Variants in ASIC2 observed in about 807,000 individuals in gnomAD.
The protein encoded by ASIC2 is acid sensing ion channel subunit 2, also known as acid-sensing ion channel 2.
ASIC2 carries 25 observed loss-of-function variants against 57.3 expected under a neutral mutation model. The ratio of observed to expected loss-of-function variants is 0.44; its 90% confidence interval spans 0.32 to 0.61. The LOEUF is 0.61. Among genes scored for constraint, ASIC2 ranks in the 20% least tolerant of loss-of-function variants. The probability of loss-of-function intolerance (pLI) is 0.06; values close to 1 mark genes in which losing one functional copy is unlikely to be tolerated. For missense variants in ASIC2, 641 were observed against 738.1 expected (o/e 0.87, Z 1.52); for synonymous variants, 319 against 307.5 (o/e 1.04, Z -0.39).
intron 1 of ASIC2, among the ~76,000 whole-genome samples, chr17:33,923,817 C>T (rs992014054): frequency 2.0e-5 from 3 of 152,126 alleles, no homozygotes; most frequent in Non-Finnish European, 4.4e-5. Context: ...GGAGGAGGGG[C>T]GTCCTGAGTT....
At chr17:33,510,093 GACTTTGCCTGTA>G (rs1446564047) in intron 1 of ASIC2, among the ~76,000 whole-genome samples, 1 of 152,160 alleles carries the variant, frequency 6.6e-6, no homozygotes, top group East Asian at 1.9e-4. Flanking sequence ...TGTGAGTCTG[GACTTTGCCTGTA>G]ACTCACTGTG....
At chr17:34,085,314 G>C (rs1239932432) in intron 1 of ASIC2, among the ~76,000 whole-genome samples, 1 of 152,118 alleles carries the variant, frequency 6.6e-6, no homozygotes, top group East Asian at 1.9e-4. Context: ...TTTTGTCTTT[G>C]GTTCTGTTTA....
chr17:34,116,014 G>A (rs1329743169), intron 1 of ASIC2, among the ~76,000 whole-genome samples: 1 of 152,192 alleles, frequency 6.6e-6, no homozygotes, highest in Non-Finnish European at 1.5e-5. Context: ...GAAAGCATAT[G>A]ATACCCAACA....
At chr17:33,017,445 A>C (rs1378165995) in intron 8 of ASIC2, among the ~76,000 whole-genome samples, 160 bp downstream of exon 8, 1 of 152,122 alleles carries the variant, frequency 6.6e-6, no homozygotes, top group Non-Finnish European at 1.5e-5. Context: ...CTTGCCCCAC[A>C]GAGCCTGGGC....
chr17:33,940,252 T>TCCATGATTTCTGGAG (rs1372172654), intron 1 of ASIC2, among the ~76,000 whole-genome samples: 4 of 152,116 alleles, frequency 2.6e-5, no homozygotes, highest in African/African-American at 7.3e-5. Context: ...GACTTCAGAC[T>TCCATGATTTCTGGAG]GGTTCACTCC....
intron 1 of ASIC2, among the ~76,000 whole-genome samples, chr17:33,368,165 G>T (rs1477756560): frequency 6.6e-6 from 1 of 152,228 alleles, no homozygotes; most frequent in Non-Finnish European, 1.5e-5. Flanking sequence ...ATGGGATACA[G>T]TGGAAGGGTA....
At position 33,120,289 on chromosome 17, in the gene ASIC2, C is replaced by T. The variant is rs756217044; in HGVS notation, c.709-8222G>A. On this transcript the variant is annotated intron_variant, in intron 1 of 9. Coordinates refer to ENST00000225823, the MANE Select transcript of ASIC2 (RefSeq NM_183377.2). The stretch of plus-strand genomic sequence containing the variant: ...CCTGCTTCCAAGACTGAAGCACAGC[C>T]GGGGCCTTTTCTGCTGGGCAGCTGT... Among the ~76,000 whole-genome samples, 7 of 152,314 alleles carry T rather than the reference C, an allele frequency of 4.6e-5. No homozygotes were observed. In the South Asian group the frequency reaches 1.0e-3, roughly 23 times the overall value.
intron 1 of ASIC2, among the ~76,000 whole-genome samples, chr17:33,417,099 G>A (rs1015219368): frequency 7.2e-5 from 11 of 152,150 alleles, no homozygotes; most frequent in African/African-American, 1.9e-4. Flanking sequence ...ACTGAGGCTC[G>A]TGTTCCTCTA....
chr17:33,940,547 C>A (rs1161602333), intron 1 of ASIC2, among the ~76,000 whole-genome samples: 1 of 152,020 alleles, frequency 6.6e-6, no homozygotes, highest in Non-Finnish European at 1.5e-5. Flanking sequence ...TTCCTTCCTT[C>A]TTTCCTTCCT....
intron 1 of ASIC2, among the ~76,000 whole-genome samples, chr17:33,377,046 G>GT (rs11393896): frequency 0.11 from 16,311 of 151,900 alleles, 2,646 homozygotes; most frequent in African/African-American, 0.35. Context: ...AGGATAGAAA[G>GT]TTTTTTTTGG....
intron 1 of ASIC2, among the ~76,000 whole-genome samples, chr17:33,362,347 G>A (rs1008135489): frequency 2.0e-5 from 3 of 152,240 alleles, no homozygotes; most frequent in East Asian, 1.9e-4. Flanking sequence ...GGAGGGTGGT[G>A]CAGCTCTTGA....
At chr17:33,697,106 T>A (rs1001136614) in intron 1 of ASIC2, among the ~76,000 whole-genome samples, 2 of 152,176 alleles carry the variant, frequency 1.3e-5, no homozygotes, top group African/African-American at 4.8e-5. Flanking sequence ...TCTGGCCATG[T>A]GATGTACCTG....
intron 1 of ASIC2, among the ~76,000 whole-genome samples, chr17:33,506,768 G>T (rs1011576459): frequency 1.3e-5 from 2 of 152,156 alleles, no homozygotes; most frequent in African/African-American, 4.8e-5. Flanking sequence ...GTAAAATGGG[G>T]CTAATCATGT....
chr17:33,278,384 G>A (rs957103782), intron 1 of ASIC2, among the ~76,000 whole-genome samples: 8 of 151,836 alleles, frequency 5.3e-5, no homozygotes, highest in South Asian at 4.2e-4. Context: ...ATGGTGGTGC[G>A]TCTCTGTAGT....
chr17:33,430,163 C>A (rs1159356632), intron 1 of ASIC2, among the ~76,000 whole-genome samples: 3 of 152,194 alleles, frequency 2.0e-5, no homozygotes, highest in Non-Finnish European at 2.9e-5. Context: ...CCTCTTGTCT[C>A]CTGCTTAGGC....
At chr17:33,428,791 C>T (rs1911304094) in intron 1 of ASIC2, among the ~76,000 whole-genome samples, 1 of 152,140 alleles carries the variant, frequency 6.6e-6, no homozygotes, top group Admixed American at 6.6e-5. Context: ...TGTTTTCTGT[C>T]CAGACCACGT....
At chr17:33,987,894 G>T (rs1398508720) in intron 1 of ASIC2, among the ~76,000 whole-genome samples, 1 of 152,070 alleles carries the variant, frequency 6.6e-6, no homozygotes, top group Non-Finnish European at 1.5e-5. Context: ...AATAACAGAG[G>T]TATATTCAGA....
intron 1 of ASIC2, among the ~76,000 whole-genome samples, chr17:33,598,071 C>T (rs886675805): frequency 6.6e-6 from 1 of 152,182 alleles, no homozygotes; most frequent in Non-Finnish European, 1.5e-5. Flanking sequence ...GAAGAAACCA[C>T]AATGACCAAC....
At chr17:33,330,563 A>G (rs557003042) in intron 1 of ASIC2, among the ~76,000 whole-genome samples, 7 of 152,286 alleles carry the variant, frequency 4.6e-5, no homozygotes, top group African/African-American at 7.2e-5. Context: ...ACATTATTGG[A>G]CCAGACCACA....
Sources: gnomAD v4.1 joint callset for allele counts (sites outside exome capture counted in the v4.1 genomes callset) on GRCh38, gnomAD v4.1.1 for gene constraint, MANE v1.5 for transcripts, NCBI Gene and HGNC (gene_info 2026-07-23, HGNC 2026-07-21) for gene names.